Variants in CCDC149 observed in about 807,000 individuals in gnomAD.
CCDC149 encodes the protein coiled-coil domain-containing protein 149.
Under a neutral mutation model 59.9 loss-of-function variants are expected in CCDC149, and 45 were observed. The observed-to-expected ratio is 0.75, with a 90% confidence interval of 0.59 to 0.96. The LOEUF is 0.96. Ranked by LOEUF, CCDC149 falls within the 40% of genes least tolerant of loss-of-function variation. The pLI, the probability that CCDC149 is intolerant of heterozygous loss-of-function variation, is 0.00. For missense variants in CCDC149, 584 were observed against 664.7 expected, an observed-to-expected ratio of 0.88 and a Z score of 1.33; for synonymous variants, 245 against 260.6, an observed-to-expected ratio of 0.94 and a Z score of 0.58.
At position 24,837,497 on chromosome 4, in the gene CCDC149, G is replaced by A. The variant is rs1249163544; in HGVS notation, c.490-97C>T. On this transcript the variant is annotated intron_variant, in intron 5 of 12. Coordinates refer to ENST00000635206, the MANE Select transcript of CCDC149 (RefSeq NM_001330643.2). This position sits in a 1 kb window ranked among gnomAD's most constrained non-coding sequence, Gnocchi z 4.3. The stretch of plus-strand genomic sequence containing the variant: ...CCCACTTGGTTGACTGATTTTTAGA[G>A]AGTTTATTAACACTACCCGCATGCC... 3.5e-5 allele frequency: 42 copies of A among 1,190,624 alleles called. No individual in the cohort carries two copies. Among genetic ancestry groups the A allele is most frequent in the Non-Finnish European group, 2.8e-5 (23 of 827,214 alleles). The allele number at this position is 1,190,624 out of a possible 1,614,324, so 73.8% of individuals were successfully genotyped here. A position where few individuals can be genotyped will look rare whatever the true frequency, so the allele number is the denominator to read the frequency against.
chr4:24,855,411 C>T (rs548453829), intron 3 of CCDC149, among the ~76,000 whole-genome samples: 4 of 151,948 alleles, frequency 2.6e-5, no homozygotes, highest in Non-Finnish European at 5.9e-5. Context: ...CTAAAAAATA[C>T]AGAAATTAGC....
chr4:24,879,695 AAAAG>A (rs1216732773), intron 1 of CCDC149, among the ~76,000 whole-genome samples: 2 of 151,812 alleles, frequency 1.3e-5, no homozygotes, highest in Non-Finnish European at 2.9e-5. Flanking sequence ...AAAAAAAAAA[AAAAG>A]AAAGAAAAAG....
At chr4:24,842,680 C>A (rs1717011082) in intron 4 of CCDC149, among the ~76,000 whole-genome samples, 1 of 152,164 alleles carries the variant, frequency 6.6e-6, no homozygotes, top group African/African-American at 2.4e-5. Flanking sequence ...GGCTGCAAAA[C>A]AAAGTGGTAA....
chr4:24,894,860 C>A (rs951935316), intron 1 of CCDC149: 1 of 1,155,030 alleles, frequency 8.7e-7, no homozygotes, highest in Non-Finnish European at 1.2e-6. Context: ...CGCTGACACC[C>A]CTGCAGCCTG....
chr4:24,854,390 C>T (rs536333787), intron 3 of CCDC149, among the ~76,000 whole-genome samples: 16 of 152,128 alleles, frequency 1.1e-4, no homozygotes, highest in South Asian at 4.2e-4. Flanking sequence ...GCTCAGGTAC[C>T]GACAAGTGTT....
chr4:24,933,888 A>G (rs1280125039), intron 1 of CCDC149, among the ~76,000 whole-genome samples: 1 of 152,188 alleles, frequency 6.6e-6, no homozygotes, highest in Non-Finnish European at 1.5e-5. Flanking sequence ...CTTCTGCTCC[A>G]TGTGACACCA....
At chr4:24,854,787 G>C (rs1717897014) in intron 3 of CCDC149, among the ~76,000 whole-genome samples, 1 of 152,098 alleles carries the variant, frequency 6.6e-6, no homozygotes, top group African/African-American at 2.4e-5. Context: ...ACCTCCCTGT[G>C]GTCCCCCACA....
chr4:24,834,950 T>G lies in CCDC149; in HGVS notation c.818A>C (p.Gln273Pro), dbSNP rs769370189. ...TCTCCTGGAGCATGATATCCTACCT[T>G]GCTTTGCAGACAGGACTCCTGTCAG... The change falls in exon 8 of 13, where the codon CAA (glutamine) becomes CCA (proline). Residue 273 changes from glutamine to proline, a missense_variant and splice_region_variant. Gln to Pro is a moderately conservative substitution (Grantham distance 76). Transcript: ENST00000635206. 6 of 1,612,106 alleles carry G rather than the reference T, an allele frequency of 3.7e-6. No individual in the cohort carries two copies. In the African/African-American group the frequency reaches 8.0e-5, roughly 22 times the overall value.
At chr4:24,908,919 A>C (rs1416958040) in intron 1 of CCDC149, among the ~76,000 whole-genome samples, 1 of 152,204 alleles carries the variant, frequency 6.6e-6, no homozygotes, top group African/African-American at 2.4e-5. Flanking sequence ...CTTGGAAATA[A>C]AAAGTTATTG....
chr4:24,881,717 G>A (rs963403820), intron 1 of CCDC149, among the ~76,000 whole-genome samples: 24 of 152,188 alleles, frequency 1.6e-4, no homozygotes, highest in African/African-American at 4.8e-4. Context: ...CACTGAGGAC[G>A]AGGGTTCATG....
intron 3 of CCDC149, among the ~76,000 whole-genome samples, chr4:24,855,844 A>C (rs993265124): frequency 2.6e-5 from 4 of 152,254 alleles, no homozygotes; most frequent in African/African-American, 9.6e-5. Context: ...AACATGAGAC[A>C]CTGTGAACAA....
chr4:24,848,036 T>G (rs553020730), intron 4 of CCDC149, among the ~76,000 whole-genome samples: 1 of 152,114 alleles, frequency 6.6e-6, no homozygotes, highest in South Asian at 2.1e-4. Context: ...AAATATTAAA[T>G]GGAAAATCCC....
chr4:24,974,259 T>G lies in CCDC149; in HGVS notation c.-65+5810A>C, dbSNP rs541749701. On this transcript the variant is annotated intron_variant, in intron 1 of 12. Transcript: ENST00000389609. ...AAGCTTAGGAGAGACTCGGGAGGCA[T>G]CAGTTCCGCATCCCGCACTCCCACG... Among the ~76,000 whole-genome samples, 8 of 152,292 alleles carry G rather than the reference T, an allele frequency of 5.3e-5. No individual in the cohort carries two copies. The South Asian group carries it at 1.7e-3, about 32-fold the overall frequency.
chr4:24,860,389 G>T (rs755162943), intron 3 of CCDC149, among the ~76,000 whole-genome samples: 1 of 152,082 alleles, frequency 6.6e-6, no homozygotes, highest in African/African-American at 2.4e-5. Flanking sequence ...TTGGAAAGGC[G>T]CACGTAGAGG....
At chr4:24,804,994 G>A (rs932010925), downstream of CCDC149, among the ~76,000 whole-genome samples, 1 of 152,164 alleles carries the variant, frequency 6.6e-6, no homozygotes, top group African/African-American at 2.4e-5. Context: ...AACGGGGAGG[G>A]GAGAAGAAGG....
intron 3 of CCDC149, among the ~76,000 whole-genome samples, chr4:24,857,096 GA>G (rs1383647135): frequency 1.3e-5 from 2 of 151,958 alleles, no homozygotes; most frequent in African/African-American, 2.4e-5. Context: ...AAAGACAAGG[GA>G]AAAAAATCTC....
At chr4:24,843,817 G>A (rs1717089040) in intron 4 of CCDC149, among the ~76,000 whole-genome samples, 1 of 152,054 alleles carries the variant, frequency 6.6e-6, no homozygotes, top group Non-Finnish European at 1.5e-5. Context: ...TCCGCATAGA[G>A]CCTCTACTAG....
At chr4:24,819,345 G>A (rs1419714235) in intron 12 of CCDC149, among the ~76,000 whole-genome samples, 3 of 152,222 alleles carry the variant, frequency 2.0e-5, no homozygotes, top group Non-Finnish European at 2.9e-5. Context: ...TTTTTGAGAC[G>A]GAGTCTTGCT....
In CCDC149 at chr4:24,816,164, A is replaced by C. The variant is rs800451; in HGVS notation, c.1192+3695T>G. On this transcript the variant is annotated intron_variant, in intron 12 of 12. Coordinates refer to ENST00000635206, the MANE Select transcript of CCDC149 (RefSeq NM_001330643.2). Reference sequence around the variant, plus strand: ...GTGCAGTGCCGCGATCACAGCTCACAGCAGCCACAACCTCCTGGGTTCAAG... The same window carrying C: ...GTGCAGTGCCGCGATCACAGCTCACCGCAGCCACAACCTCCTGGGTTCAAG... 3.3e-3 allele frequency among the ~76,000 whole-genome samples: 495 copies of C among 151,650 alleles called. 2 individuals are homozygous for C. Among genetic ancestry groups the C allele is most frequent in the African/African-American group, 0.011 (462 of 41,332 alleles).
Sources: allele counts gnomAD v4.1 joint callset (sites outside exome capture counted in the v4.1 genomes callset), GRCh38; gene constraint gnomAD v4.1.1; non-coding constraint Gnocchi (gnomAD v3.1); transcripts MANE v1.5; gene names NCBI Gene and HGNC (gene_info 2026-07-23, HGNC 2026-07-21).